The following COG5 variants were observed in gnomAD, a reference collection of about 807,000 sequenced individuals.
The protein encoded by COG5 is conserved oligomeric Golgi complex subunit 5.
Under a neutral mutation model 110.4 loss-of-function variants are expected in COG5, and 86 were observed. That is an observed-to-expected ratio of 0.78 (90% CI 0.65 to 0.93). The LOEUF is 0.93. Among genes scored for constraint, COG5 ranks in the 40% least tolerant of loss-of-function variants. The probability of loss-of-function intolerance (pLI) is 0.00; values close to 1 mark genes in which losing one functional copy is unlikely to be tolerated. For missense variants in COG5, 1,077 were observed against 987.0 expected, an observed-to-expected ratio of 1.09 and a Z score of -1.22; for synonymous variants, 360 against 334.6, an observed-to-expected ratio of 1.08 and a Z score of -0.83.
intron 19 of COG5, among the ~76,000 whole-genome samples, chr7:107,225,365 T>C (rs1176775268): frequency 2.6e-5 from 4 of 152,148 alleles, no homozygotes; most frequent in Non-Finnish European, 5.9e-5. Context: ...AAAATAGTAT[T>C]TGACTTTTCT....
At chr7:107,464,777 T>C (rs907286687) in intron 6 of COG5, among the ~76,000 whole-genome samples, 1 of 152,146 alleles carries the variant, frequency 6.6e-6, no homozygotes, top group Non-Finnish European at 1.5e-5. Flanking sequence ...ATGAGCATGA[T>C]ATCAGTGAAA....
At chr7:107,449,200 A>G (rs1447639754) in intron 6 of COG5, among the ~76,000 whole-genome samples, 1 of 152,154 alleles carries the variant, frequency 6.6e-6, no homozygotes, top group Non-Finnish European at 1.5e-5. Context: ...GGCGAGGGAG[A>G]GAATTAGGAC....
At chr7:107,545,100 AAAAAAG>A (rs1802316015) in intron 5 of COG5, among the ~76,000 whole-genome samples, 1 of 152,186 alleles carries the variant, frequency 6.6e-6, no homozygotes, top group African/African-American at 2.4e-5. Context: ...GAACAAAAAG[AAAAAAG>A]AAAAAGAGTA....
At chr7:107,543,813 C>T (rs1802227034) in intron 5 of COG5, among the ~76,000 whole-genome samples, 1 of 152,142 alleles carries the variant, frequency 6.6e-6, no homozygotes, top group African/African-American at 2.4e-5. Context: ...CCCCACACTC[C>T]AACAGACACA....
chr7:107,411,318 T>C (rs1792276465), intron 7 of COG5, among the ~76,000 whole-genome samples: 1 of 152,182 alleles, frequency 6.6e-6, no homozygotes, highest in African/African-American at 2.4e-5. Context: ...TAAAAAAAGG[T>C]ATCTTCTCTT....
intron 8 of COG5, among the ~76,000 whole-genome samples, chr7:107,369,716 C>T (rs1813955757): frequency 6.6e-6 from 1 of 152,044 alleles, no homozygotes; most frequent in South Asian, 2.1e-4. Context: ...CATATACATG[C>T]CAGATTTTCC....
chr7:107,338,592 A>G (rs1201487857), intron 10 of COG5, among the ~76,000 whole-genome samples: 1 of 152,168 alleles, frequency 6.6e-6, no homozygotes, highest in Non-Finnish European at 1.5e-5. Flanking sequence ...GCAATTACTT[A>G]TATATGATAC....
chr7:107,427,080 A>C (rs1406754815), intron 6 of COG5, among the ~76,000 whole-genome samples: 2 of 152,172 alleles, frequency 1.3e-5, no homozygotes, highest in African/African-American at 4.8e-5. Context: ...CAATCTGACA[A>C]ACCTGGCCAC....
At chr7:107,369,850 C>T (rs1813970043) in intron 8 of COG5, among the ~76,000 whole-genome samples, 2 of 152,096 alleles carry the variant, frequency 1.3e-5, no homozygotes, top group Admixed American at 6.6e-5. Flanking sequence ...AGAGTTTCTG[C>T]TCTTGTCCAG....
chr7:107,296,695 G>A (rs761498754), intron 12 of COG5, among the ~76,000 whole-genome samples: 1 of 150,598 alleles, frequency 6.6e-6, no homozygotes, highest in Non-Finnish European at 1.5e-5. Context: ...ACAAGCATGT[G>A]TCACACTGCC....
Position 107,381,058 on chromosome 7 carries a change from G to T in COG5, c.670-8298C>A, listed in dbSNP as rs138818349. Among the ~76,000 whole-genome samples, 42 of 152,260 alleles carry T rather than the reference G, an allele frequency of 2.8e-4. No homozygotes were observed. In the East Asian group the frequency reaches 7.5e-3, roughly 27 times the overall value. ...CACATAAATTGTGGGAATTAATCTT[G>T]CAGAAGAGGTTCTCTGTGTGAACAT... On this transcript the variant is annotated intron_variant, in intron 7 of 21. Coordinates refer to ENST00000297135, the MANE Select transcript of COG5 (RefSeq NM_006348.5).
At chr7:107,430,283 T>TA (rs1430661966) in intron 6 of COG5, among the ~76,000 whole-genome samples, 1 of 152,242 alleles carries the variant, frequency 6.6e-6, no homozygotes, top group Non-Finnish European at 1.5e-5. Flanking sequence ...GAGGAAGTGA[T>TA]ATATATTCAT....
chr7:107,375,849 C>T (rs536472842), intron 7 of COG5, among the ~76,000 whole-genome samples: 3 of 151,898 alleles, frequency 2.0e-5, no homozygotes, highest in Non-Finnish European at 2.9e-5. Flanking sequence ...TTACTCTCTA[C>T]GGTTTAGTAC....
intron 11 of COG5, among the ~76,000 whole-genome samples, chr7:107,323,241 G>A (rs546850413): frequency 4.8e-4 from 73 of 152,166 alleles, no homozygotes; most frequent in Non-Finnish European, 8.8e-4. Context: ...ACAAGTAAAC[G>A]GAACAGGCCG....
At chr7:107,413,947 G>A (rs1005683109) in intron 6 of COG5, among the ~76,000 whole-genome samples, 2 of 152,090 alleles carry the variant, frequency 1.3e-5, no homozygotes, top group Admixed American at 6.6e-5. Context: ...GCTAGTAACC[G>A]GTAAAACAGA....
chr7:107,353,041 T>C (rs59550876), intron 10 of COG5, among the ~76,000 whole-genome samples: 2,014 of 152,304 alleles, frequency 0.013, 51 homozygotes, highest in African/African-American at 0.045. Flanking sequence ...GTTTTAAAGA[T>C]ACCAACATTG....
rs76020313 is a variant in COG5, at chr7:107,237,023, A to G, written c.1854-336T>C. 0.16 allele frequency among the ~76,000 whole-genome samples: 24,809 copies of G among 152,168 alleles called. 2,378 individuals carry two copies. The highest frequency in any genetic ancestry group is 0.22 in the Non-Finnish European group (14,702 of 67,988). Reference sequence around the variant, plus strand: ...TCTCAAGGTCCCTCCCAGCCTCTCAATTCTCCATCCACTCACATGTTTTGC... The same window carrying G: ...TCTCAAGGTCCCTCCCAGCCTCTCAGTTCTCCATCCACTCACATGTTTTGC... On this transcript the variant is annotated intron_variant, in intron 17 of 21. Coordinates refer to ENST00000297135, the MANE Select transcript of COG5 (RefSeq NM_006348.5).
intron 6 of COG5, chr7:107,469,911 A>T (rs1383052364): frequency 6.6e-6 from 1 of 152,126 alleles, no homozygotes; most frequent in Non-Finnish European, 1.5e-5. Flanking sequence ...AGCCTTTTTA[A>T]AAGTGTCCTT....
chr7:107,428,011 T>C (rs1009472421), intron 6 of COG5, among the ~76,000 whole-genome samples: 2 of 151,816 alleles, frequency 1.3e-5, no homozygotes, highest in East Asian at 1.9e-4. Flanking sequence ...TTTGTGAGTA[T>C]GCAAAAAAGA....
Sources: allele counts gnomAD v4.1 joint callset (sites outside exome capture counted in the v4.1 genomes callset), GRCh38; gene constraint gnomAD v4.1.1; transcripts MANE v1.5; gene names NCBI Gene and HGNC (gene_info 2026-07-23, HGNC 2026-07-21).